The following HIBADH variants were observed in gnomAD, a reference collection of about 807,000 sequenced individuals.
HIBADH encodes the protein 3-hydroxyisobutyrate dehydrogenase, mitochondrial.
HIBADH carries 25 observed loss-of-function variants against 36.1 expected under a neutral mutation model. The ratio of observed to expected loss-of-function variants is 0.69; its 90% confidence interval spans 0.50 to 0.97. The LOEUF is 0.97. Ranked by LOEUF, HIBADH falls within the 50% of genes least tolerant of loss-of-function variation. HIBADH has a pLI of 0.00. For synonymous variants in HIBADH, 160 were observed against 149.5 expected (o/e 1.07, Z -0.51); for missense variants, 421 against 418.0 (o/e 1.01, Z -0.06).
intron 2 of HIBADH, among the ~76,000 whole-genome samples, chr7:27,641,435 A>G (rs1376439744): frequency 6.6e-6 from 1 of 152,198 alleles, no homozygotes; most frequent in African/African-American, 2.4e-5. Context: ...TGTATGAGTC[A>G]ACTCAAATAT....
chr7:27,540,110 T>C (rs960473686), intron 5 of HIBADH, among the ~76,000 whole-genome samples: 3 of 152,154 alleles, frequency 2.0e-5, no homozygotes, highest in Admixed American at 6.5e-5. Context: ...TCTGATGTTT[T>C]TGCTCTTTCA....
chr7:27,579,581 A>G (rs1784760920), intron 4 of HIBADH, among the ~76,000 whole-genome samples: 1 of 152,208 alleles, frequency 6.6e-6, no homozygotes. Flanking sequence ...CTATAAACTG[A>G]ATACTTAACC....
intron 4 of HIBADH, among the ~76,000 whole-genome samples, chr7:27,559,264 T>G (rs370936506): frequency 6.6e-6 from 1 of 152,144 alleles, no homozygotes; most frequent in African/African-American, 2.4e-5. Context: ...TCTGAGATAC[T>G]TGGGTTAAGG....
chr7:27,590,336 TG>T (rs1323694317), intron 4 of HIBADH, among the ~76,000 whole-genome samples: 1 of 152,218 alleles, frequency 6.6e-6, no homozygotes, highest in Non-Finnish European at 1.5e-5. Context: ...AGATTTCTCA[TG>T]TAAGTGCTCT....
chr7:27,646,075 A>G (rs1053767168), intron 2 of HIBADH, among the ~76,000 whole-genome samples: 3 of 152,168 alleles, frequency 2.0e-5, no homozygotes, highest in African/African-American at 7.2e-5. Flanking sequence ...TAACAATTTT[A>G]TAGGACATCT....
rs1008801218 is a variant in HIBADH at position 27,526,688 on chromosome 7, A to AT, written c.853-317dup. Among the ~76,000 whole-genome samples, 11 of 152,132 alleles carry AT rather than the reference A, an allele frequency of 7.2e-5. No homozygotes were observed. The South Asian group carries it at 1.5e-3, about 20-fold the overall frequency. On this transcript the variant is annotated intron_variant, in intron 7 of 7. Coordinates refer to ENST00000265395, the MANE Select transcript of HIBADH (RefSeq NM_152740.4). ...ATCTGTGGAAATCTTTAAGACATAAATTTTTTTTAAAAAATTCTTAAATGA... is the reference window on the plus strand; with the variant it reads ...ATCTGTGGAAATCTTTAAGACATAAATTTTTTTTTAAAAAATTCTTAAATGA...
At chr7:27,595,487 A>G (rs888808157) in intron 4 of HIBADH, among the ~76,000 whole-genome samples, 2 of 151,976 alleles carry the variant, frequency 1.3e-5, no homozygotes, top group African/African-American at 4.8e-5. Context: ...CAGTGAGCCT[A>G]GATTGTGACA....
At chr7:27,586,100 T>C (rs1223540310) in intron 4 of HIBADH, among the ~76,000 whole-genome samples, 4 of 150,868 alleles carry the variant, frequency 2.7e-5, no homozygotes, top group African/African-American at 1.0e-4. Context: ...TTAAAAATGT[T>C]TTTTCCCTAT....
At chr7:27,570,252 G>A (rs1784609678) in intron 4 of HIBADH, among the ~76,000 whole-genome samples, 1 of 152,206 alleles carries the variant, frequency 6.6e-6, no homozygotes, top group Non-Finnish European at 1.5e-5. Flanking sequence ...AGAAAGGACA[G>A]TATATTTACT....
At chr7:27,532,432 A>G (rs1345121402) in intron 6 of HIBADH, among the ~76,000 whole-genome samples, 2 of 152,196 alleles carry the variant, frequency 1.3e-5, no homozygotes, top group Non-Finnish European at 2.9e-5. Context: ...CAGATTGTTT[A>G]CTCTGTGTGT....
intron 4 of HIBADH, among the ~76,000 whole-genome samples, chr7:27,563,259 T>A (rs1366378388): frequency 1.3e-5 from 2 of 152,248 alleles, no homozygotes; most frequent in Non-Finnish European, 2.9e-5. Context: ...TATTGCTGAG[T>A]AATATTCCCT....
intron 4 of HIBADH, among the ~76,000 whole-genome samples, chr7:27,560,550 T>C (rs772825007): frequency 3.9e-5 from 6 of 152,362 alleles, no homozygotes. Context: ...GTAGTGTATA[T>C]TGTACCCAAA....
At chr7:27,570,696 A>G (rs1270146322) in intron 4 of HIBADH, among the ~76,000 whole-genome samples, 2 of 151,350 alleles carry the variant, frequency 1.3e-5, no homozygotes, top group East Asian at 1.9e-4. Flanking sequence ...TTATACCTCA[A>G]TAATGCTGGG....
chr7:27,553,380 G>A (rs1489032976), intron 4 of HIBADH, among the ~76,000 whole-genome samples: 1 of 152,184 alleles, frequency 6.6e-6, no homozygotes, highest in Admixed American at 6.5e-5. Flanking sequence ...TACATTTGCA[G>A]ACCTGGTTCA....
At chr7:27,593,113 TAC>T (rs1430127916) in intron 4 of HIBADH, among the ~76,000 whole-genome samples, 2 of 152,216 alleles carry the variant, frequency 1.3e-5, no homozygotes, top group African/African-American at 2.4e-5. Context: ...CAAAATATGG[TAC>T]AGTTTTTATG....
intron 1 of HIBADH, among the ~76,000 whole-genome samples, chr7:27,652,829 T>C (rs941053646): frequency 1.1e-4 from 17 of 152,152 alleles, no homozygotes; most frequent in African/African-American, 3.4e-4. Context: ...TATCATTATA[T>C]TGAGGGTTAG....
intron 4 of HIBADH, among the ~76,000 whole-genome samples, chr7:27,566,421 T>C (rs761406259): frequency 7.2e-5 from 11 of 152,094 alleles, no homozygotes; most frequent in Non-Finnish European, 1.5e-4. Context: ...TTTATGTCAA[T>C]TGAGTTCCTT....
intron 4 of HIBADH, among the ~76,000 whole-genome samples, chr7:27,627,982 C>T (rs1464697701): frequency 6.6e-6 from 1 of 152,076 alleles, no homozygotes; most frequent in Non-Finnish European, 1.5e-5. Flanking sequence ...TCAGGTTGTA[C>T]TCTTGAGACC....
chr7:27,559,689 A>G (rs955164034), intron 4 of HIBADH, among the ~76,000 whole-genome samples: 6 of 152,186 alleles, frequency 3.9e-5, no homozygotes, highest in African/African-American at 1.4e-4. Context: ...CAAAAACTAT[A>G]TATGCCCTTG....
Sources: allele counts gnomAD v4.1 joint callset (sites outside exome capture counted in the v4.1 genomes callset), GRCh38; gene constraint gnomAD v4.1.1; transcripts MANE v1.5; gene names NCBI Gene and HGNC (gene_info 2026-07-23, HGNC 2026-07-21).